Variants in ROR2 observed in about 807,000 individuals in gnomAD.
ROR2 encodes tyrosine-protein kinase transmembrane receptor ROR2.
Under a neutral mutation model 74.9 loss-of-function variants are expected in ROR2, and 33 were observed. That is an observed-to-expected ratio of 0.44 (90% CI 0.33 to 0.59). ROR2 has a LOEUF of 0.59. ROR2 is among the 20% of genes least tolerant of loss of function. The pLI is 0.02. For synonymous variants in ROR2, 586 were observed against 558.7 expected, an observed-to-expected ratio of 1.05 and a Z score of -0.69; for missense variants, 1,216 against 1,313.8, an observed-to-expected ratio of 0.93 and a Z score of 1.15.
At position 91,724,231 on chromosome 9, in the gene ROR2, A is replaced by C; in HGVS notation, c.2263T>G (p.Tyr755Asp). 2.5e-6 allele frequency: 4 copies of C among 1,613,566 alleles called. No individual in the cohort carries two copies. Among genetic ancestry groups the C allele is most frequent in the Non-Finnish European group, 3.4e-6 (4 of 1,180,006 alleles). The change falls in exon 9 of 9, where the codon TAC becomes GAC. Residue 755 changes from tyrosine (Y) to aspartate (D), a missense_variant. Physicochemically the swap from Tyr to Asp is radical, Grantham distance 160. Transcript: ENST00000375708. ...RLRAWGNLSN[Y>D]NSSAQTSGAS... The stretch of plus-strand genomic sequence containing the variant: ...CCCGAGGTCTGCGCCGAGCTGTTGT[A>C]GTTGGAAAGGTTGCCCCAGGCTCGG...
intron 1 of ROR2, among the ~76,000 whole-genome samples, chr9:91,853,690 C>A (rs1004184745): frequency 6.6e-6 from 1 of 152,162 alleles, no homozygotes; most frequent in East Asian, 1.9e-4. Flanking sequence ...AGGACACGTC[C>A]CACTCGACAT....
At chr9:91,886,259 AGAG>A (rs1830268528) in intron 1 of ROR2, among the ~76,000 whole-genome samples, 1 of 152,188 alleles carries the variant, frequency 6.6e-6, no homozygotes, top group South Asian at 2.1e-4. Flanking sequence ...GAGGAGCAGG[AGAG>A]GAGGCCATGT....
chr9:91,734,143 G>T (rs1824938018), intron 5 of ROR2, among the ~76,000 whole-genome samples: 1 of 152,186 alleles, frequency 6.6e-6, no homozygotes, highest in African/African-American at 2.4e-5. Flanking sequence ...GTGAGTTCGG[G>T]AACAAAGTGG....
At chr9:91,913,297 C>A (rs1831039896) in intron 1 of ROR2, among the ~76,000 whole-genome samples, 1 of 152,204 alleles carries the variant, frequency 6.6e-6, no homozygotes, top group South Asian at 2.1e-4. Flanking sequence ...GCACCACTAA[C>A]AGTGATTCAC....
chr9:91,839,744 G>T (rs939295223), intron 1 of ROR2, among the ~76,000 whole-genome samples: 10 of 151,590 alleles, frequency 6.6e-5, no homozygotes, highest in Admixed American at 5.9e-4. Flanking sequence ...TGGTATGTGA[G>T]TGTGGCGTGC....
chr9:91,897,990 G>A (rs993805682), intron 1 of ROR2, among the ~76,000 whole-genome samples: 3 of 152,050 alleles, frequency 2.0e-5, no homozygotes, highest in African/African-American at 7.2e-5. Flanking sequence ...AGCACCAGAC[G>A]GGCCACCCAC....
intron 1 of ROR2, among the ~76,000 whole-genome samples, chr9:91,893,961 A>C (rs529868380): frequency 6.6e-6 from 1 of 152,312 alleles, no homozygotes; most frequent in Non-Finnish European, 1.5e-5. Context: ...GCACAACTGA[A>C]ACTCTGTACC....
chr9:91,771,731 T>C (rs1045644578), intron 2 of ROR2, among the ~76,000 whole-genome samples: 2 of 152,042 alleles, frequency 1.3e-5, no homozygotes. Context: ...CTTCTCTCTC[T>C]CTCTCTCGAT....
intron 1 of ROR2, among the ~76,000 whole-genome samples, chr9:91,837,114 A>G (rs1339533893): frequency 6.6e-6 from 1 of 151,502 alleles, no homozygotes; most frequent in Non-Finnish European, 1.5e-5. Flanking sequence ...ATGGTTCCTT[A>G]GGAATTTCTG....
intron 1 of ROR2, among the ~76,000 whole-genome samples, chr9:91,819,653 T>TGTCTGTGTCTTTCA (rs1554679193): frequency 1.3e-5 from 2 of 150,002 alleles, no homozygotes; most frequent in Non-Finnish European, 3.0e-5. Flanking sequence ...CTGTGTTCTC[T>TGTCTGTGTCTTTCA]GTGTCTGTGT....
At chr9:91,821,540 C>T (rs532025626) in intron 1 of ROR2, among the ~76,000 whole-genome samples, 1 of 152,194 alleles carries the variant, frequency 6.6e-6, no homozygotes, top group South Asian at 2.1e-4. Context: ...GTACCCCCTG[C>T]CCCACAGCTC....
At chr9:91,948,572 C>A (rs924999963) in intron 1 of ROR2, 22 of 985,252 alleles carry the variant, frequency 2.2e-5, no homozygotes, top group Non-Finnish European at 2.3e-5. Flanking sequence ...AACCCCCCCC[C>A]AGGAAAGACT....
At chr9:91,758,078 T>C (rs777947881) in intron 2 of ROR2, among the ~76,000 whole-genome samples, 10 of 152,124 alleles carry the variant, frequency 6.6e-5, no homozygotes, top group Non-Finnish European at 1.5e-5. Context: ...TGCAAGAAAC[T>C]TGGCACTAAA....
intron 1 of ROR2, among the ~76,000 whole-genome samples, chr9:91,937,029 C>CAAAAAAAAAAAAAAAAAAAAAAAAAAAA (rs540672189): frequency 1.5e-5 from 1 of 65,662 alleles, no homozygotes; most frequent in African/African-American, 6.1e-5. Context: ...GACTCCGTCT[C>CAAAAAAAAAAAAAAAAAAAAAAAAAAAA]AAAAAAAAAA....
intron 1 of ROR2, among the ~76,000 whole-genome samples, chr9:91,942,871 G>A (rs1831913068): frequency 6.6e-6 from 1 of 152,192 alleles, no homozygotes; most frequent in African/African-American, 2.4e-5. Context: ...TCGTGGCCCT[G>A]CCGCCACCTT....
chr9:91,898,394 G>A (rs112700377), intron 1 of ROR2, among the ~76,000 whole-genome samples: 4 of 152,258 alleles, frequency 2.6e-5, no homozygotes, highest in African/African-American at 9.6e-5. Flanking sequence ...GAGAAGTGGT[G>A]TCCCCGTTTC....
At chr9:91,843,977 G>T (rs1828854511) in intron 1 of ROR2, among the ~76,000 whole-genome samples, 1 of 152,188 alleles carries the variant, frequency 6.6e-6, no homozygotes, top group African/African-American at 2.4e-5. Flanking sequence ...TGCAGAGCGG[G>T]GCCTTTCAAC....
chr9:91,725,238 T>C lies in ROR2; in HGVS notation c.1387-131A>G, dbSNP rs564150877. The C allele has an allele frequency of 2.5e-5, 38 of 1,524,020 alleles. No individual in the cohort carries two copies. In the South Asian group the frequency reaches 3.8e-4, roughly 15 times the overall value. The allele number at this position is 1,524,020 out of a possible 1,614,324, so 94.4% of individuals were successfully genotyped here. On this transcript the variant is annotated intron_variant, in intron 8 of 8. Coordinates refer to ENST00000375708, the MANE Select transcript of ROR2 (RefSeq NM_004560.4). ...GGGGCCTTGCAGAAGACCCGCTGGT[T>C]TTGCCCACCCAGCCTTGGCCTGCCC... is the stretch of plus-strand genomic sequence containing the variant.
At chr9:91,948,490 G>C in intron 1 of ROR2, 2 of 836,818 alleles carry the variant, frequency 2.4e-6, no homozygotes, top group Non-Finnish European at 2.9e-6. Flanking sequence ...TGCACAGTGA[G>C]ATAAACGCAA....
Sources: gnomAD v4.1 joint callset for allele counts (sites outside exome capture counted in the v4.1 genomes callset) on GRCh38, gnomAD v4.1.1 for gene constraint, MANE v1.5 for transcripts, NCBI Gene and HGNC (gene_info 2026-07-23, HGNC 2026-07-21) for gene names.